The following PBX1 variants were observed in gnomAD, a reference collection of about 807,000 sequenced individuals.
The protein encoded by PBX1 is pre-B-cell leukemia transcription factor 1.
Under a neutral mutation model 53.4 loss-of-function variants are expected in PBX1, and 6 were observed. The ratio of observed to expected loss-of-function variants is 0.11; its 90% CI spans 0.06 to 0.22. PBX1 has a LOEUF of 0.22. Ranked by LOEUF, PBX1 falls within the 10% of genes least tolerant of loss-of-function variation. The pLI is 1.00. For missense variants in PBX1, 251 were observed against 551.4 expected (o/e 0.46, Z 5.46); for synonymous variants, 204 against 212.3 (o/e 0.96, Z 0.34).
At chr1:164,668,003 G>A (rs1363101356) in intron 2 of PBX1, among the ~76,000 whole-genome samples, 1 of 152,174 alleles carries the variant, frequency 6.6e-6, no homozygotes, top group Non-Finnish European at 1.5e-5. Context: ...AGTGGGTGGA[G>A]TGCTATTTGC....
intron 3 of PBX1, among the ~76,000 whole-genome samples, chr1:164,796,098 A>G (rs1051103284): frequency 6.6e-6 from 1 of 151,240 alleles, no homozygotes; most frequent in Non-Finnish European, 1.5e-5. Flanking sequence ...GCTCACTGCA[A>G]CCTCTGCCTC....
chr1:164,843,222 A>G (rs1204904799), intron 8 of PBX1, among the ~76,000 whole-genome samples: 2 of 152,214 alleles, frequency 1.3e-5, no homozygotes, highest in African/African-American at 4.8e-5. Flanking sequence ...ACAGCAGCAA[A>G]TAATATACCG....
chr1:164,560,494 T>A (rs980240234), intron 1 of PBX1: 1 of 277,518 alleles, frequency 3.6e-6, no homozygotes, highest in East Asian at 6.5e-5. Context: ...ATTCAGCGAG[T>A]TTGATTTTCT....
chr1:164,882,470 T>C (rs1490477707), intron 2 of PBX1, among the ~76,000 whole-genome samples: 2 of 152,226 alleles, frequency 1.3e-5, no homozygotes, highest in Admixed American at 6.5e-5. Flanking sequence ...TTCATACATA[T>C]ACAGTGTGTG....
At chr1:164,713,296 C>T (rs1266496476) in intron 2 of PBX1, among the ~76,000 whole-genome samples, 1 of 152,092 alleles carries the variant, frequency 6.6e-6, no homozygotes, top group East Asian at 1.9e-4. Flanking sequence ...AAATCTTGAC[C>T]TCCAACATGG....
chr1:164,750,268 G>T (rs1006537128), intron 2 of PBX1, among the ~76,000 whole-genome samples: 3 of 151,848 alleles, frequency 2.0e-5, no homozygotes, highest in Non-Finnish European at 4.4e-5. Flanking sequence ...ATGTCTTTGT[G>T]TATGTATGAA....
chr1:164,814,245 A>G (rs1030759004), intron 6 of PBX1: 1 of 152,254 alleles, frequency 6.6e-6, no homozygotes, highest in Non-Finnish European at 1.5e-5. Context: ...TTATTATGTT[A>G]TGTACTTGCT....
At chr1:164,618,152 G>A (rs1657406428) in intron 2 of PBX1, among the ~76,000 whole-genome samples, 1 of 152,122 alleles carries the variant, frequency 6.6e-6, no homozygotes, top group East Asian at 1.9e-4. Flanking sequence ...TTATAAGGTG[G>A]CATTGTCGTA....
intron 2 of PBX1, among the ~76,000 whole-genome samples, chr1:164,753,354 C>G (rs1017167200): frequency 1.1e-4 from 16 of 152,212 alleles, no homozygotes; most frequent in African/African-American, 3.9e-4. Context: ...AGGCTCTAGA[C>G]TAATGCATCA....
At chr1:164,577,892 ATT>A (rs1654363513) in intron 2 of PBX1, among the ~76,000 whole-genome samples, 1 of 152,182 alleles carries the variant, frequency 6.6e-6, no homozygotes, top group Non-Finnish European at 1.5e-5. Context: ...CGAAAGGGTT[ATT>A]ATGTAGGTTG....
At chr1:164,657,284 A>G (rs201892620) in intron 2 of PBX1, 2 of 152,338 alleles carry the variant, frequency 1.3e-5, no homozygotes, top group East Asian at 3.9e-4. Context: ...GATGCATCAT[A>G]CATTGGTATC....
In PBX1 at chr1:164,804,660, G is replaced by A. The variant is rs556447343; in HGVS notation, c.702-2882G>A. Among the ~76,000 whole-genome samples, 126 of 150,940 alleles carry A rather than the reference G, an allele frequency of 8.3e-4. 1 individual carries two copies. The highest frequency in any genetic ancestry group is 2.9e-3 in the African/African-American group (122 of 41,378). On this transcript the variant is annotated intron_variant, in intron 4 of 8. Coordinates refer to ENST00000420696, the MANE Select transcript of PBX1 (RefSeq NM_002585.4). Reference sequence around the variant, plus strand: ...CTTCACTCACTTCACAAATAGCAGCGCAATTAGAATGAAACAGAAGAGGTA... The same window carrying A: ...CTTCACTCACTTCACAAATAGCAGCACAATTAGAATGAAACAGAAGAGGTA...
intron 2 of PBX1, chr1:164,631,022 G>C (rs1658380353): frequency 6.6e-6 from 1 of 152,208 alleles, no homozygotes; most frequent in African/African-American, 2.4e-5. Flanking sequence ...AAGCCCTGGG[G>C]ACCTCGCAGA....
chr1:164,559,938 G>A lies in PBX1; in HGVS notation c.116G>A (p.Arg39Lys), dbSNP rs1325785503. Residue 39 changes from arginine to lysine, a missense_variant, in exon 1 of 9, where the codon AGG (arginine) becomes AAG (lysine). Physicochemically the swap from Arg to Lys is conservative, Grantham distance 26. Transcript: ENST00000420696. ...GGAGGGACCGAGGGGGAGGGCGGGA[G>A]GAAGCAGGACATTGGAGACATTTTA... The part of the protein sequence containing the change: ...GAGGTEGEGG[R>K]KQDIGDILQQ... The A allele has an allele frequency of 6.5e-7, 1 of 1,547,896 alleles. No homozygotes were observed. Among genetic ancestry groups the A allele is most frequent in the Admixed American group, 2.0e-5 (1 of 50,624 alleles).
At chr1:164,715,782 C>T (rs1477434923) in intron 2 of PBX1, among the ~76,000 whole-genome samples, 1 of 152,120 alleles carries the variant, frequency 6.6e-6, no homozygotes, top group East Asian at 1.9e-4. Context: ...GAAGTCTAAG[C>T]CGGGATAAAC....
chr1:164,721,065 G>A (rs764498809), intron 2 of PBX1, among the ~76,000 whole-genome samples: 74 of 152,202 alleles, frequency 4.9e-4, no homozygotes, highest in Non-Finnish European at 9.8e-4. Context: ...AGATGGCCGA[G>A]CAAGCAAGGA....
chr1:164,566,268 A>G (rs974500036), intron 2 of PBX1, among the ~76,000 whole-genome samples: 1 of 152,182 alleles, frequency 6.6e-6, no homozygotes. Flanking sequence ...ACAAAACAAA[A>G]CAAAAGAACC....
intron 8 of PBX1, among the ~76,000 whole-genome samples, chr1:164,844,115 C>CT (rs773961576): frequency 0.041 from 2,528 of 61,062 alleles, 26 homozygotes; most frequent in Non-Finnish European, 0.049. Context: ...TTCTTTCTTT[C>CT]TTTTTTTTTT....
intron 2 of PBX1, among the ~76,000 whole-genome samples, chr1:164,750,570 T>C (rs888206336): frequency 4.6e-5 from 7 of 152,208 alleles, no homozygotes; most frequent in African/African-American, 1.7e-4. Flanking sequence ...ATCTGAAACA[T>C]TCTGATACCC....
Sources: gnomAD v4.1 joint callset for allele counts (sites outside exome capture counted in the v4.1 genomes callset) on GRCh38, gnomAD v4.1.1 for gene constraint, MANE v1.5 for transcripts, NCBI Gene and HGNC (gene_info 2026-07-23, HGNC 2026-07-21) for gene names.